The following GLI3 variants were observed in gnomAD, a reference collection of about 807,000 sequenced individuals.
The protein encoded by GLI3 is GLI family zinc finger 3.
GLI3 carries 20 observed loss-of-function variants against 100.8 expected under a neutral mutation model. That is an observed-to-expected ratio of 0.20 (90% CI 0.14 to 0.29). The LOEUF is 0.29. Ranked by LOEUF, GLI3 falls within the 10% of genes least tolerant of loss-of-function variation. The pLI is 1.00. For synonymous variants in GLI3, 938 were observed against 860.5 expected (o/e 1.09, Z -1.58); for missense variants, 2,040 against 2,128.5 (o/e 0.96, Z 0.82).
chr7:42,216,523 T>C (rs1308445315), intron 2 of GLI3, among the ~76,000 whole-genome samples: 1 of 152,184 alleles, frequency 6.6e-6, no homozygotes, highest in Non-Finnish European at 1.5e-5. Flanking sequence ...GGTTCATCAG[T>C]TGTAACAAAT....
At chr7:42,155,355 C>T in intron 2 of GLI3, among the ~76,000 whole-genome samples, 1 of 151,796 alleles carries the variant, frequency 6.6e-6, no homozygotes, top group Non-Finnish European at 1.5e-5. Context: ...AGGAGAATCG[C>T]TTGAACCCAG....
At chr7:42,054,832 T>TA (rs986170855) in intron 4 of GLI3, among the ~76,000 whole-genome samples, 21 of 150,826 alleles carry the variant, frequency 1.4e-4, no homozygotes, top group Non-Finnish European at 2.7e-4. Context: ...AAAATAAAAA[T>TA]AAAAAAATTA....
At chr7:42,243,237 C>T (rs976798124) in intron 1 of GLI3, among the ~76,000 whole-genome samples, 1 of 152,088 alleles carries the variant, frequency 6.6e-6, no homozygotes, top group African/African-American at 2.4e-5. Flanking sequence ...TAGCGTGGAG[C>T]CAAGGGCCAG....
Position 42,229,343 on chromosome 7 carries a change from G to A in GLI3, c.-42-6048C>T, listed in dbSNP as rs577524126. Among the ~76,000 whole-genome samples, 22 of 152,236 alleles carry A rather than the reference G, an allele frequency of 1.4e-4. No individual in the cohort carries two copies. The South Asian group carries it at 4.4e-3, about 30-fold the overall frequency. On this transcript the variant is annotated intron_variant, in intron 1 of 14. Transcript: ENST00000395925. ...TTTCTGATAGGTTAAAACAGCTACT[G>A]GCAATAAGAGATCAGAAACAGAAGA...
At chr7:42,106,219 T>C (rs547468909) in intron 3 of GLI3, among the ~76,000 whole-genome samples, 126 of 152,314 alleles carry the variant, frequency 8.3e-4, no homozygotes, top group African/African-American at 2.9e-3. Context: ...TGCTGCTCAC[T>C]GTAAATGTCT....
chr7:41,992,983 G>C (rs1276175020), intron 10 of GLI3, among the ~76,000 whole-genome samples: 1 of 152,174 alleles, frequency 6.6e-6, no homozygotes, highest in Non-Finnish European at 1.5e-5. Context: ...TAAGCAGTTT[G>C]TTGTTTTGAA....
chr7:42,247,325 C>T (rs1261057981), intron 1 of GLI3, among the ~76,000 whole-genome samples: 9 of 152,078 alleles, frequency 5.9e-5, no homozygotes, highest in Non-Finnish European at 1.2e-4. Flanking sequence ...TTGTATGGGC[C>T]GGAGGCTGGT....
chr7:42,154,556 CA>C (rs2128790350), intron 2 of GLI3, among the ~76,000 whole-genome samples: 1 of 152,296 alleles, frequency 6.6e-6, no homozygotes, highest in Non-Finnish European at 1.5e-5. Context: ...TGGTTATTTA[CA>C]TGTTGATGCT....
intron 3 of GLI3, among the ~76,000 whole-genome samples, chr7:42,124,146 T>C (rs576553881): frequency 2.0e-5 from 3 of 152,278 alleles, no homozygotes; most frequent in African/African-American, 7.2e-5. Flanking sequence ...CAAAAGGTGA[T>C]TTTCCTTTTG....
chr7:42,236,392 T>C (rs911290467), intron 1 of GLI3, among the ~76,000 whole-genome samples: 1 of 152,254 alleles, frequency 6.6e-6, no homozygotes, highest in South Asian at 2.1e-4. Flanking sequence ...CAACTTTCAC[T>C]TTTCCTCTAT....
At chr7:42,034,034 A>G (rs1023203449) in intron 7 of GLI3, among the ~76,000 whole-genome samples, 1 of 152,238 alleles carries the variant, frequency 6.6e-6, no homozygotes, top group African/African-American at 2.4e-5. Flanking sequence ...GCTACTTGCC[A>G]TTAAGCAGCC....
chr7:42,121,280 A>G (rs763797504), intron 3 of GLI3, among the ~76,000 whole-genome samples: 6 of 152,218 alleles, frequency 3.9e-5, no homozygotes, highest in Non-Finnish European at 8.8e-5. Context: ...TCCCAGCCCA[A>G]GAGTTTCTGA....
chr7:42,087,136 G>A (rs921842616), intron 3 of GLI3, among the ~76,000 whole-genome samples: 1 of 152,172 alleles, frequency 6.6e-6, no homozygotes, highest in Non-Finnish European at 1.5e-5. Flanking sequence ...GACATGAAAG[G>A]AAACTGAGGC....
At chr7:41,984,967 T>C (rs1450266242) in intron 10 of GLI3, among the ~76,000 whole-genome samples, 1 of 152,266 alleles carries the variant, frequency 6.6e-6, no homozygotes, top group Non-Finnish European at 1.5e-5. Flanking sequence ...GGTGGTGTTA[T>C]GGCCTTCATA....
intron 2 of GLI3, among the ~76,000 whole-genome samples, chr7:42,215,504 G>A (rs767081321): frequency 2.9e-4 from 44 of 152,058 alleles, no homozygotes; most frequent in African/African-American, 6.8e-4. Flanking sequence ...CCATTTCGCC[G>A]CTTAAGCATC....
At chr7:42,182,308 T>C (rs1307117448) in intron 2 of GLI3, among the ~76,000 whole-genome samples, 2 of 152,048 alleles carry the variant, frequency 1.3e-5, no homozygotes, top group African/African-American at 2.4e-5. Flanking sequence ...GTGGCTACCA[T>C]GTTGCGCAGG....
chr7:41,983,313 A>G (rs1787726548), intron 10 of GLI3, among the ~76,000 whole-genome samples: 2 of 152,344 alleles, frequency 1.3e-5, no homozygotes, highest in South Asian at 4.1e-4. Flanking sequence ...CTGCGCTATA[A>G]AAGGTACCCC....
chr7:41,965,704 G>A lies in GLI3; in HGVS notation c.3369C>T (p.Pro1123=), dbSNP rs770879979. 3.1e-6 allele frequency: 5 copies of A among 1,613,736 alleles called. No individual in the cohort carries two copies. The East Asian group carries it at 1.1e-4, about 36-fold the overall frequency. ...GCGCGTCAAAGTCACCGGGCCCGTG[G>A]GGCACTTTGCTGTCGTCCGGGAGGG... ...PSALPDDSKV[P]HGPGDFDAPG... is the part of the protein sequence containing the mutation. Residue 1123 remains proline (P), a synonymous_variant, in exon 15 of 15, where the codon CCC becomes CCT. Transcript: ENST00000395925.
At chr7:42,041,458 C>G (rs970630253) in intron 6 of GLI3, among the ~76,000 whole-genome samples, 3 of 152,172 alleles carry the variant, frequency 2.0e-5, no homozygotes, top group African/African-American at 7.2e-5. Flanking sequence ...ATTACAGAGT[C>G]ATCAAACTAA....
Sources: gnomAD v4.1 joint callset for allele counts (sites outside exome capture counted in the v4.1 genomes callset) on GRCh38, gnomAD v4.1.1 for gene constraint, MANE v1.5 for transcripts, NCBI Gene and HGNC (gene_info 2026-07-23, HGNC 2026-07-21) for gene names.